The following ACER2 variants were observed in gnomAD, a reference collection of about 807,000 sequenced individuals.
ACER2 encodes the protein alkaline ceramidase 2.
Under a neutral mutation model 34.7 loss-of-function variants are expected in ACER2, and 26 were observed. The observed-to-expected ratio is 0.75, with a 90% CI of 0.55 to 1.04. ACER2 has a LOEUF of 1.04. Among genes scored for constraint, ACER2 ranks in the 50% least tolerant of loss-of-function variants. The pLI, the probability that ACER2 is intolerant of heterozygous loss-of-function variation, is 0.00. For synonymous variants in ACER2, 138 were observed against 132.1 expected (o/e 1.04, Z -0.31); for missense variants, 352 against 340.8 (o/e 1.03, Z -0.26).
intron 4 of ACER2, among the ~76,000 whole-genome samples, chr9:19,444,437 C>T (rs1467839472): frequency 6.6e-6 from 1 of 152,158 alleles, no homozygotes; most frequent in Non-Finnish European, 1.5e-5. Flanking sequence ...TGGTCTCGAT[C>T]TCCTGACCTC....
intron 1 of ACER2, among the ~76,000 whole-genome samples, chr9:19,419,025 A>C (rs1830323973): frequency 6.6e-6 from 1 of 152,064 alleles, no homozygotes. Context: ...CATCTCTACT[A>C]TAAAAATAGA....
intron 1 of ACER2, chr9:19,409,812 G>A: frequency 1.0e-6 from 1 of 985,272 alleles, no homozygotes; most frequent in East Asian, 1.1e-4. Flanking sequence ...AACTCCCCCA[G>A]GACTGTGCTT....
At chr9:19,428,645 G>T (rs1405762595) in intron 3 of ACER2, among the ~76,000 whole-genome samples, 1 of 151,844 alleles carries the variant, frequency 6.6e-6, no homozygotes, top group Admixed American at 6.6e-5. Flanking sequence ...AATTGGAGAT[G>T]ACAAAAGTAT....
chr9:19,440,165 C>G (rs1399891238), intron 4 of ACER2, among the ~76,000 whole-genome samples: 2 of 152,198 alleles, frequency 1.3e-5, no homozygotes, highest in African/African-American at 2.4e-5. Context: ...GTTCTCCTCA[C>G]CATGCTTGAA....
intron 1 of ACER2, 117 bp downstream of exon 1, chr9:19,409,309 G>A: frequency 2.0e-6 from 2 of 995,942 alleles, no homozygotes; most frequent in South Asian, 2.9e-5. Flanking sequence ...ATTCTCTCCA[G>A]GGGCTGAGTC....
intron 4 of ACER2, among the ~76,000 whole-genome samples, chr9:19,438,608 C>G (rs953051251): frequency 1.3e-5 from 2 of 152,188 alleles, no homozygotes; most frequent in African/African-American, 4.8e-5. Context: ...CCATTTGTAG[C>G]ATGCAGTCCA....
At chr9:19,422,126 A>G (rs1223346682) in intron 1 of ACER2, among the ~76,000 whole-genome samples, 2 of 151,074 alleles carry the variant, frequency 1.3e-5, no homozygotes, top group South Asian at 2.1e-4. Context: ...CTCTACCAAA[A>G]AAAAAAAAAA....
chr9:19,414,672 A>G (rs1467148188), intron 1 of ACER2, among the ~76,000 whole-genome samples: 1 of 152,064 alleles, frequency 6.6e-6, no homozygotes, highest in Non-Finnish European at 1.5e-5. Flanking sequence ...ACATGATGGC[A>G]CATGCCTGTG....
At chr9:19,412,054 T>G (rs2132452278) in intron 1 of ACER2, among the ~76,000 whole-genome samples, 1 of 152,344 alleles carries the variant, frequency 6.6e-6, no homozygotes, top group Middle Eastern at 3.4e-3. Context: ...CTTGAAGCTA[T>G]AAGTGCCACT....
At chr9:19,413,247 A>G (rs1181536241) in intron 1 of ACER2, among the ~76,000 whole-genome samples, 1 of 152,152 alleles carries the variant, frequency 6.6e-6, no homozygotes, top group Non-Finnish European at 1.5e-5. Context: ...TGCACATTTT[A>G]TACTGTTTCT....
chr9:19,435,175 G>A (rs1830919882), intron 4 of ACER2, 91 bp downstream of exon 4: 1 of 1,472,236 alleles, frequency 6.8e-7, no homozygotes, highest in Non-Finnish European at 9.2e-7. Flanking sequence ...AGCAGAAGAG[G>A]AGTTTTATTC....
chr9:19,448,904 G>T (rs1831469219), intron 5 of ACER2, among the ~76,000 whole-genome samples: 3 of 152,164 alleles, frequency 2.0e-5, no homozygotes, highest in Admixed American at 2.0e-4. Flanking sequence ...ACTTTGGGAG[G>T]CCGAGGCAGG....
In ACER2 at chr9:19,423,909, G is replaced by A. The variant is rs371413327; in HGVS notation, c.156G>A (p.Leu52=). 4.3e-6 allele frequency: 7 copies of A among 1,613,952 alleles called. No individual in the cohort carries two copies. In the African/African-American group the frequency reaches 9.3e-5, roughly 22 times the overall value. ...FFILPPICMC[L]FRQYATCFNS... ...TTTTACCGCCCATCTGCATGTGCTT[G>A]TTTCGTCAGTATGCAACATGCTTCA... The change falls in exon 2 of 6, where the codon TTG becomes TTA. Residue 52 remains leucine (L), a synonymous_variant. Coordinates refer to ENST00000340967, the MANE Select transcript of ACER2 (RefSeq NM_001010887.3).
chr9:19,420,077 T>C (rs1249763333), intron 1 of ACER2, among the ~76,000 whole-genome samples: 2 of 152,226 alleles, frequency 1.3e-5, no homozygotes, highest in African/African-American at 4.8e-5. Flanking sequence ...TGGGGTTTGC[T>C]GAAGCATTCT....
rs1385747658 is a variant in ACER2 at position 19,434,326 on chromosome 9, C to G, written c.366-621C>G. On this transcript the variant is annotated intron_variant, in intron 3 of 5. Transcript: ENST00000340967. ...GCAGAGGGGCTCCTCACATCCCAGACGATGGCCGGCCAGGCAGAGACGCTC... is the reference window on the plus strand; with the variant it reads ...GCAGAGGGGCTCCTCACATCCCAGAGGATGGCCGGCCAGGCAGAGACGCTC... 6.2e-5 allele frequency among the ~76,000 whole-genome samples: 9 copies of G among 144,828 alleles called. No individual in the cohort carries two copies. In the South Asian group the frequency reaches 1.1e-3, roughly 18 times the overall value.
chr9:19,424,867 A>G (rs1445119669), intron 3 of ACER2, 26 bp downstream of exon 3: 4 of 1,613,880 alleles, frequency 2.5e-6, no homozygotes, highest in South Asian at 1.1e-5. Flanking sequence ...ACATTATTGC[A>G]TTTACCACTA....
intron 3 of ACER2, among the ~76,000 whole-genome samples, chr9:19,432,418 C>G (rs1417548025): frequency 6.6e-6 from 1 of 151,888 alleles, no homozygotes. Flanking sequence ...AAACTATGTC[C>G]TGTGGGCCAA....
At chr9:19,449,442 C>G (rs1042581234) in intron 5 of ACER2, among the ~76,000 whole-genome samples, 11 of 152,204 alleles carry the variant, frequency 7.2e-5, no homozygotes, top group Non-Finnish European at 1.6e-4. Flanking sequence ...TGCAGTTTCT[C>G]ATTTGTCTTT....
intron 1 of ACER2, among the ~76,000 whole-genome samples, chr9:19,410,405 G>C (rs1190211914): frequency 6.6e-6 from 1 of 152,056 alleles, no homozygotes; most frequent in Admixed American, 6.6e-5. Context: ...TTATGATTAG[G>C]TTGGTTCCTT....
Sources: allele counts gnomAD v4.1 joint callset (sites outside exome capture counted in the v4.1 genomes callset), GRCh38; gene constraint gnomAD v4.1.1; transcripts MANE v1.5; gene names NCBI Gene and HGNC (gene_info 2026-07-23, HGNC 2026-07-21).